Variants in SEC14L1 observed in about 807,000 individuals in gnomAD.
The protein encoded by SEC14L1 is SEC14-like protein 1.
A neutral mutation model predicts 85.3 loss-of-function variants in SEC14L1; 48 were observed. That is an observed-to-expected ratio of 0.56 (90% CI 0.45 to 0.72). The LOEUF is 0.72. Among genes scored for constraint, SEC14L1 ranks in the 30% least tolerant of loss-of-function variants. The probability of loss-of-function intolerance (pLI) is 0.00; values close to 1 mark genes in which losing one functional copy is unlikely to be tolerated. For missense variants in SEC14L1, 682 were observed against 921.4 expected (o/e 0.74, Z 3.36); for synonymous variants, 391 against 355.5 (o/e 1.10, Z -1.12).
At chr17:77,106,024 T>TTC (rs1971905807) in intron 3 of SEC14L1, among the ~76,000 whole-genome samples, 1 of 151,344 alleles carries the variant, frequency 6.6e-6, no homozygotes, top group Non-Finnish European at 1.5e-5. Flanking sequence ...TGGATATCAG[T>TTC]TCGTCTACCT....
At chr17:77,188,226 G>A (rs1421782676) in intron 3 of SEC14L1, among the ~76,000 whole-genome samples, 1 of 152,176 alleles carries the variant, frequency 6.6e-6, no homozygotes, top group Non-Finnish European at 1.5e-5. Context: ...GCTGCCGTGC[G>A]CATAGTCGAG....
At chr17:77,202,477 G>C (rs1408485608) in intron 9 of SEC14L1, among the ~76,000 whole-genome samples, 1 of 152,196 alleles carries the variant, frequency 6.6e-6, no homozygotes, top group African/African-American at 2.4e-5. Context: ...AAATTAGCTG[G>C]GCGTGGTGGC....
At chr17:77,156,664 ATTTTGTT>A (rs1001228049) in intron 3 of SEC14L1, among the ~76,000 whole-genome samples, 4 of 151,696 alleles carry the variant, frequency 2.6e-5, no homozygotes, top group Admixed American at 6.6e-5. Flanking sequence ...TGTCAGTGAA[ATTTTGTT>A]TTTTGTTTTT....
chr17:77,092,405 C>A (rs770612321), intron 2 of SEC14L1, among the ~76,000 whole-genome samples: 1 of 151,944 alleles, frequency 6.6e-6, no homozygotes, highest in Non-Finnish European at 1.5e-5. Context: ...GGGACCCTCT[C>A]GGGGAAGTAA....
chr17:77,121,424 T>A (rs113208314), intron 3 of SEC14L1, among the ~76,000 whole-genome samples: 1,732 of 152,304 alleles, frequency 0.011, 37 homozygotes, highest in Admixed American at 0.043. Context: ...AGTGGCACTA[T>A]CTCGGCTCAC....
upstream of SEC14L1, among the ~76,000 whole-genome samples, chr17:77,137,805 C>A (rs1972840015): frequency 2.6e-5 from 4 of 152,224 alleles, no homozygotes; most frequent in Admixed American, 2.0e-4. Flanking sequence ...GATTGCTTAT[C>A]TTTACATATA....
intron 6 of SEC14L1, 80 bp downstream of exon 6, chr17:77,193,629 G>A: frequency 7.1e-7 from 1 of 1,410,038 alleles, no homozygotes; most frequent in African/African-American, 1.4e-5. Context: ...GCTGGGGATG[G>A]CTTAGCAAGG....
chr17:77,178,360 G>A (rs2143723827), intron 3 of SEC14L1, among the ~76,000 whole-genome samples: 1 of 152,026 alleles, frequency 6.6e-6, no homozygotes, highest in South Asian at 2.1e-4. Context: ...TGTGTTTTTT[G>A]ACATTATTTT....
Position 77,115,656 on chromosome 17 carries a change from GGC to G in SEC14L1, c.-136+22312_-136+22313del, listed in dbSNP as rs1248636858. ...CCCCTCCAAGAGAAGGGATATTTTA[GGC>G]GCTGATTACATTGTGAGTTGTTGCA... is the stretch of plus-strand genomic sequence containing the variant. On this transcript the variant is annotated intron_variant, in intron 3 of 19. Transcript: ENST00000392476. 1.3e-5 allele frequency among the ~76,000 whole-genome samples: 2 copies of G among 152,104 alleles called. 1 individual carries two copies. Among genetic ancestry groups the G allele is most frequent in the East Asian group, 3.9e-4 (2 of 5,188 alleles).
At position 77,169,007 on chromosome 17, in the gene SEC14L1, C is replaced by CTTTTT. The variant is rs71160208; in HGVS notation, c.64-21770_64-21766dup. Among the ~76,000 whole-genome samples the CTTTTT allele has an allele frequency of 1.7e-3, 133 of 77,838 alleles. 6 individuals are homozygous for CTTTTT. The highest frequency in any genetic ancestry group is 2.5e-3 in the Non-Finnish European group (107 of 42,334). The allele number at this position is 77,838 out of a possible 152,430, so 51.1% of individuals were successfully genotyped here. A position where few individuals can be genotyped will look rare whatever the true frequency, so the allele number is the denominator to read the frequency against. ...GGGTCAAAAGACCCGTGAGGAGCAT[C>CTTTTT]TTTTTTTTTTTTTTTTTTTTTTTTT... On this transcript the variant is annotated intron_variant, in intron 3 of 16. Coordinates refer to ENST00000436233, the MANE Select transcript of SEC14L1 (RefSeq NM_001143998.2).
intron 3 of SEC14L1, among the ~76,000 whole-genome samples, chr17:77,146,221 G>T (rs1440714036): frequency 1.3e-5 from 2 of 152,172 alleles, no homozygotes; most frequent in African/African-American, 4.8e-5. Flanking sequence ...GCATCGCCAG[G>T]TAAAGTAGAG....
chr17:77,212,461 C>T (rs1976807488), intron 15 of SEC14L1, among the ~76,000 whole-genome samples: 1 of 152,130 alleles, frequency 6.6e-6, no homozygotes, highest in Admixed American at 6.5e-5. Flanking sequence ...GCATCGCACG[C>T]ACGGGCCCAG....
At position 77,194,840 on chromosome 17, in the gene SEC14L1, T is replaced by TG. The variant is rs1306783787; in HGVS notation, c.638_639insG (p.Lys214GlnfsTer7). On this transcript the variant is annotated frameshift_variant, in exon 7 of 17. Coordinates refer to ENST00000436233, the MANE Select transcript of SEC14L1 (RefSeq NM_001143998.2). LOFTEE classifies it high-confidence loss of function. ...GCCGTCGTCATCCCAGAAGCTGCCC[T>TG]CAAGGAGGGGCTGAGTGGTGATGCC... The TG allele has an allele frequency of 6.2e-7, 1 of 1,614,188 alleles. No homozygotes were observed.
chr17:77,100,426 CTCTTTTTTTTTTTT>C (rs1971751176), intron 3 of SEC14L1, among the ~76,000 whole-genome samples: 1 of 54,798 alleles, frequency 1.8e-5, no homozygotes, highest in African/African-American at 7.5e-5. Context: ...CTCTCTCTCT[CTCTTTTTTTTTTTT>C]TTTTTTTTTT....
At chr17:77,177,160 A>G (rs1974794770) in intron 3 of SEC14L1, among the ~76,000 whole-genome samples, 1 of 151,936 alleles carries the variant, frequency 6.6e-6, no homozygotes. Flanking sequence ...TGAGACATCA[A>G]GGAACACATG....
At chr17:77,097,709 G>A (rs34405420) in intron 3 of SEC14L1, among the ~76,000 whole-genome samples, 20,218 of 152,090 alleles carry the variant, frequency 0.13, 1,789 homozygotes, top group Non-Finnish European at 0.19. Context: ...TTATTAGCCC[G>A]GTGAACAGCT....
Position 77,216,471 on chromosome 17 carries a change from A to G in SEC14L1, c.*2448A>G, listed in dbSNP as rs1474476885. On this transcript the variant is annotated 3_prime_UTR_variant, in exon 17 of 17. Transcript: ENST00000436233. Reference sequence around the variant, plus strand: ...TTAGTAGCGCGTCTGTGCTGCTTCCACCTGGTGCTTCCTGTTCCCAAATCA... The same window carrying G: ...TTAGTAGCGCGTCTGTGCTGCTTCCGCCTGGTGCTTCCTGTTCCCAAATCA... The G allele has an allele frequency of 5.0e-6, 8 of 1,611,816 alleles. No homozygotes were observed. The East Asian group carries it at 1.6e-4, about 31-fold the overall frequency.
chr17:77,102,968 T>G (rs979787347), intron 3 of SEC14L1, among the ~76,000 whole-genome samples: 18 of 151,994 alleles, frequency 1.2e-4, no homozygotes, highest in Non-Finnish European at 2.2e-4. Context: ...CATGCCTGGC[T>G]AATTGTTTTA....
At chr17:77,169,916 A>G (rs187113262) in intron 3 of SEC14L1, among the ~76,000 whole-genome samples, 2 of 151,922 alleles carry the variant, frequency 1.3e-5, no homozygotes, top group African/African-American at 4.8e-5. Context: ...GATAGGTACA[A>G]CCTATTGAGG....
Sources: gnomAD v4.1 joint callset for allele counts (sites outside exome capture counted in the v4.1 genomes callset) on GRCh38, gnomAD v4.1.1 for gene constraint, MANE v1.5 for transcripts, NCBI Gene and HGNC (gene_info 2026-07-23, HGNC 2026-07-21) for gene names.